The following PCDHA2 variants were observed in gnomAD, a reference collection of about 807,000 sequenced individuals.
The protein encoded by PCDHA2 is protocadherin alpha 2.
PCDHA2 carries 58 observed loss-of-function variants against 66.0 expected under a neutral mutation model. That is an observed-to-expected ratio of 0.88 (90% CI 0.71 to 1.09). The LOEUF (loss-of-function observed/expected upper bound fraction) is 1.09. PCDHA2 is among the 50% of genes least tolerant of loss of function. PCDHA2 has a pLI of 0.00. For synonymous variants in PCDHA2, 634 were observed against 554.0 expected (o/e 1.14, Z -2.03); for missense variants, 1,267 against 1,242.3 (o/e 1.02, Z -0.30).
intron 1 of PCDHA2, chr5:140,877,800 T>C (rs2057344527): frequency 6.2e-7 from 1 of 1,613,404 alleles, no homozygotes; most frequent in Non-Finnish European, 8.5e-7. Context: ...GCCCAAGCCT[T>C]CAGCTGTCTC....
chr5:140,875,419 G>A (rs782346114), intron 1 of PCDHA2: 51 of 1,516,154 alleles, frequency 3.4e-5, no homozygotes, highest in Admixed American at 4.8e-5. Context: ...AATACCTCAG[G>A]CAAGCGATCC....
chr5:140,953,778 A>AT, intron 1 of PCDHA2, among the ~76,000 whole-genome samples: 1 of 152,106 alleles, frequency 6.6e-6, no homozygotes, highest in South Asian at 2.1e-4. Context: ...ATATTTATTT[A>AT]TTTTTTTCTT....
At chr5:140,816,920 G>C (rs1453114177) in intron 1 of PCDHA2, 1 of 152,042 alleles carries the variant, frequency 6.6e-6, no homozygotes, top group Non-Finnish European at 1.5e-5. Flanking sequence ...TATAGATTCT[G>C]CTGAATCCTA....
At chr5:140,936,628 T>C (rs1208761817) in intron 1 of PCDHA2, among the ~76,000 whole-genome samples, 5 of 152,258 alleles carry the variant, frequency 3.3e-5, no homozygotes, top group Non-Finnish European at 7.3e-5. Flanking sequence ...GTGCTACCTT[T>C]GTCATAAGCA....
Position 141,009,631 on chromosome 5 carries a change from A to G in PCDHA2, c.2541A>G (p.Pro847=). 6.2e-7 allele frequency: 1 copy of G among 1,613,068 alleles called. No individual in the cohort carries two copies. The highest frequency in any genetic ancestry group is 8.5e-7 in the Non-Finnish European group (1 of 1,179,354). The change falls in exon 4 of 4, where the codon CCA becomes CCG. Residue 847 remains proline (P), a synonymous_variant. Transcript: ENST00000526136. ...WPTVSSATPE[P]EAGEVSPPVG... is the part of the protein sequence containing the mutation. ...TTGTAATGTTTTGTCTTTCAGAACC[A>G]GAGGCAGGAGAAGTGTCCCCTCCAG...
At chr5:140,809,809 T>G (rs1346866835) in intron 1 of PCDHA2, 5 of 428,380 alleles carry the variant, frequency 1.2e-5, no homozygotes, top group Non-Finnish European at 2.0e-5. Flanking sequence ...CTAGTAAATT[T>G]TCACTATATT....
intron 3 of PCDHA2, among the ~76,000 whole-genome samples, chr5:140,994,367 G>C (rs2097617491): frequency 6.6e-6 from 1 of 152,110 alleles, no homozygotes; most frequent in African/African-American, 2.4e-5. Context: ...AGATGGAATT[G>C]GAAATTCAGG....
At chr5:140,823,487 G>T in intron 1 of PCDHA2, 3 of 1,613,262 alleles carry the variant, frequency 1.9e-6, no homozygotes, top group Non-Finnish European at 2.5e-6. Context: ...CGAGTGGGTG[G>T]CACCGGCGGC....
At chr5:140,927,403 C>T (rs1276847771) in intron 1 of PCDHA2, 1 of 1,614,146 alleles carries the variant, frequency 6.2e-7, no homozygotes, top group Non-Finnish European at 8.5e-7. Context: ...GCACTTTCGC[C>T]TGGACATGGG....
rs2150264019 is a variant in PCDHA2 at position 140,836,559 on chromosome 5, C to T, written c.2388+39207C>T. ...GTACACGGCGTTGCGGTGCTCAGCG[C>T]CGTCCTCTGAGGGCGCATGTAGTTT... On this transcript the variant is annotated intron_variant, in intron 1 of 3. Coordinates refer to ENST00000526136, the MANE Select transcript of PCDHA2 (RefSeq NM_018905.3). The T allele has an allele frequency of 2.8e-5, 45 of 1,613,622 alleles. No individual in the cohort carries two copies. Among genetic ancestry groups the T allele is most frequent in the Non-Finnish European group, 3.6e-5 (43 of 1,179,846 alleles).
At chr5:140,822,921 G>A (rs2150120413) in intron 1 of PCDHA2, 1 of 1,614,234 alleles carries the variant, frequency 6.2e-7, no homozygotes, top group Non-Finnish European at 8.5e-7. Context: ...GTGCCAACGG[G>A]CAGGTGACCT....
chr5:140,857,750 C>T (rs781977975), intron 1 of PCDHA2: 1 of 1,597,430 alleles, frequency 6.3e-7, no homozygotes, highest in Non-Finnish European at 8.6e-7. Context: ...GCTGGCGTCT[C>T]CCGCTGGCAG....
chr5:140,971,488 A>C (rs17119328), intron 1 of PCDHA2, among the ~76,000 whole-genome samples: 9,487 of 152,206 alleles, frequency 0.062, 310 homozygotes, highest in African/African-American at 0.074. Flanking sequence ...ACATTGTTAC[A>C]GTGTGGCAAG....
intron 1 of PCDHA2, chr5:140,927,075 C>A (rs1304732952): frequency 1.9e-6 from 3 of 1,611,070 alleles, no homozygotes; most frequent in Non-Finnish European, 2.5e-6. Context: ...TTTCCAGCCA[C>A]CGCGAGCTCT....
intron 3 of PCDHA2, among the ~76,000 whole-genome samples, chr5:140,992,328 A>G (rs2097505285): frequency 6.6e-6 from 1 of 152,150 alleles, no homozygotes; most frequent in South Asian, 2.1e-4. Flanking sequence ...CTTTTCTAAG[A>G]GCAAAGATGG....
intron 1 of PCDHA2, chr5:140,841,561 G>T (rs2150318242): frequency 8.1e-6 from 13 of 1,613,932 alleles, no homozygotes; most frequent in Non-Finnish European, 1.1e-5. Context: ...TAAGTCTGCA[G>T]AATGGCATTT....
At chr5:140,818,626 C>G (rs1235638442) in intron 1 of PCDHA2, among the ~76,000 whole-genome samples, 8 of 152,076 alleles carry the variant, frequency 5.3e-5, no homozygotes, top group Non-Finnish European at 8.8e-5. Context: ...TGCTTGAGCC[C>G]AGGAGTTCAA....
intron 3 of PCDHA2, among the ~76,000 whole-genome samples, chr5:140,986,050 T>G (rs1221001446): frequency 6.6e-6 from 1 of 152,226 alleles, no homozygotes; most frequent in Non-Finnish European, 1.5e-5. Flanking sequence ...CACTGATGAA[T>G]TCTTTTGCTT....
chr5:140,994,142 G>C (rs550428204), intron 3 of PCDHA2, among the ~76,000 whole-genome samples: 8 of 152,180 alleles, frequency 5.3e-5, no homozygotes, highest in Admixed American at 4.6e-4. Context: ...AATGCCCTAC[G>C]TAGGTAGGGT....
Sources: allele counts gnomAD v4.1 joint callset (sites outside exome capture counted in the v4.1 genomes callset), GRCh38; gene constraint gnomAD v4.1.1; transcripts MANE v1.5; gene names NCBI Gene and HGNC (gene_info 2026-07-23, HGNC 2026-07-21).